Variants in ELAVL4 observed in about 807,000 individuals in gnomAD.
The protein encoded by ELAVL4 is ELAV-like protein 4.
A neutral mutation model predicts 35.6 loss-of-function variants in ELAVL4; 1 was observed. That is an observed-to-expected ratio of 0.03 (90% confidence interval 0.01 to 0.13). The LOEUF (loss-of-function observed/expected upper bound fraction) is 0.13, where lower values mean the gene tolerates loss of function less well. ELAVL4 is among the 10% of genes least tolerant of loss of function. The probability of loss-of-function intolerance (pLI) is 1.00; values close to 1 mark genes in which losing one functional copy is unlikely to be tolerated. For synonymous variants in ELAVL4, 156 were observed against 171.0 expected (o/e 0.91, Z 0.69); for missense variants, 267 against 464.9 (o/e 0.57, Z 3.91).
At chr1:50,134,397 T>C (rs1671546666) in intron 1 of ELAVL4, among the ~76,000 whole-genome samples, 1 of 152,166 alleles carries the variant, frequency 6.6e-6, no homozygotes, top group Non-Finnish European at 1.5e-5. Flanking sequence ...GTATGGAAGA[T>C]GAAGATAATG....
chr1:50,198,526 A>G (rs955689942), intron 6 of ELAVL4, among the ~76,000 whole-genome samples: 2 of 152,178 alleles, frequency 1.3e-5, no homozygotes, highest in Admixed American at 6.5e-5. Context: ...AGACTTCACT[A>G]TCAGAGGACC....
chr1:50,130,203 G>A (rs769657534), intron 1 of ELAVL4, among the ~76,000 whole-genome samples: 131 of 152,102 alleles, frequency 8.6e-4, no homozygotes, highest in Non-Finnish European at 1.6e-3. Context: ...TTTTAATAGG[G>A]TTAGATAATT....
chr1:50,049,019 A>C (rs1297480323), intron 1 of ELAVL4, among the ~76,000 whole-genome samples: 1 of 152,186 alleles, frequency 6.6e-6, no homozygotes, highest in Non-Finnish European at 1.5e-5. Flanking sequence ...GGACTTGAGG[A>C]GACCACAGGG....
chr1:50,117,380 T>C (rs1472774733), intron 1 of ELAVL4, among the ~76,000 whole-genome samples: 1 of 152,032 alleles, frequency 6.6e-6, no homozygotes, highest in African/African-American at 2.4e-5. Flanking sequence ...GAACCGTGAG[T>C]CTGCCTCTGG....
Position 50,201,306 on chromosome 1 carries a change from T to C in ELAVL4, c.*128T>C. Reference sequence around the variant, plus strand: ...AAGGCTTATATTCAACCATGGACTTTATAAGCCAGTGTTGCCTAAGTATTA... The same window carrying C: ...AAGGCTTATATTCAACCATGGACTTCATAAGCCAGTGTTGCCTAAGTATTA... On this transcript the variant is annotated 3_prime_UTR_variant, in exon 7 of 7. Transcript: ENST00000371824. The surrounding 1 kb of genome is among the most constrained non-coding windows in gnomAD (Gnocchi z 4.3). 8.5e-7 allele frequency: 1 copy of C among 1,176,062 alleles called. No homozygotes were observed. Among genetic ancestry groups the C allele is most frequent in the Non-Finnish European group, 1.1e-6 (1 of 884,632 alleles). 72.9% of individuals were successfully genotyped at this position (1,176,062 alleles called of 1,614,324 possible).
chr1:50,113,291 G>A (rs1431579121), intron 1 of ELAVL4, among the ~76,000 whole-genome samples: 1 of 149,954 alleles, frequency 6.7e-6, no homozygotes, highest in Non-Finnish European at 1.5e-5. Flanking sequence ...TTTCCTATAT[G>A]TAGGCCAAAT....
chr1:50,159,263 A>C (rs1442647849), intron 2 of ELAVL4, among the ~76,000 whole-genome samples: 1 of 152,164 alleles, frequency 6.6e-6, no homozygotes, highest in African/African-American at 2.4e-5. Context: ...GTTTTTTAAA[A>C]GGGGTTCTGT....
chr1:50,115,329 T>C (rs1667764675), intron 1 of ELAVL4: 1 of 152,084 alleles, frequency 6.6e-6, no homozygotes, highest in Admixed American at 6.6e-5. Flanking sequence ...GGAAATAAGG[T>C]CAGTGTAATT....
chr1:50,064,645 A>G (rs1439024827), intron 1 of ELAVL4, among the ~76,000 whole-genome samples: 1 of 152,134 alleles, frequency 6.6e-6, no homozygotes, highest in Non-Finnish European at 1.5e-5. Context: ...GACAACCCAA[A>G]ACAAGAATCA....
rs1355484430 is a variant in ELAVL4 at position 50,200,837 on chromosome 1, G to C, written c.774-14G>C. ...GATGTCTGGACCAGTCCCCCCTTCT[G>C]CTTGTCCCCCCAGGTTCTCCCCAAT... On this transcript the variant is annotated splice_polypyrimidine_tract_variant and intron_variant, in intron 6 of 6. Transcript: ENST00000371824. 1 of 1,609,614 alleles carries C rather than the reference G, an allele frequency of 6.2e-7. No individual in the cohort carries two copies. The highest frequency in any genetic ancestry group is 8.5e-7 in the Non-Finnish European group (1 of 1,177,888).
chr1:50,093,495 G>A (rs569869570), intron 1 of ELAVL4, among the ~76,000 whole-genome samples: 1 of 152,168 alleles, frequency 6.6e-6, no homozygotes, highest in African/African-American at 2.4e-5. Context: ...AAACCATAGT[G>A]GCTATCAGGT....
intron 6 of ELAVL4, chr1:50,197,699 C>T: frequency 4.6e-6 from 2 of 436,724 alleles, no homozygotes; most frequent in Non-Finnish European, 8.0e-6. Flanking sequence ...AGGTGGGCTT[C>T]TCCTATGGTT....
intron 6 of ELAVL4, among the ~76,000 whole-genome samples, chr1:50,198,170 G>T (rs1474485095): frequency 3.9e-5 from 6 of 152,134 alleles, no homozygotes; most frequent in Non-Finnish European, 5.9e-5. Flanking sequence ...GCTTTTTGTG[G>T]GGTTGGGGGC....
intron 2 of ELAVL4, among the ~76,000 whole-genome samples, chr1:50,145,762 G>GT (rs1673595687): frequency 6.6e-6 from 1 of 152,152 alleles, no homozygotes; most frequent in Non-Finnish European, 1.5e-5. Context: ...GAGGTATTTT[G>GT]TTTTATTTTA....
chr1:50,151,857 T>A (rs1373352754), intron 2 of ELAVL4, among the ~76,000 whole-genome samples: 1 of 151,994 alleles, frequency 6.6e-6, no homozygotes, highest in Non-Finnish European at 1.5e-5. Flanking sequence ...TGGAGGTGAG[T>A]GGAAAATTTT....
chr1:50,201,717 A>C lies in ELAVL4; in HGVS notation c.*539A>C, dbSNP rs1644401859. 1 of 152,058 alleles carries C rather than the reference A, an allele frequency of 6.6e-6. No homozygotes were observed. Among genetic ancestry groups the C allele is most frequent in the Non-Finnish European group, 1.5e-5 (1 of 68,012 alleles). The allele number at this position is 152,058 out of a possible 1,614,324, so 9.4% of individuals were successfully genotyped here. A position where few individuals can be genotyped will look rare whatever the true frequency, so the allele number is the denominator to read the frequency against. ...CACACAAATTAAAGAGGAATAATAA[A>C]AATTGCAAAAATAAAAAAAAACTTT... is the stretch of plus-strand genomic sequence containing the variant. On this transcript the variant is annotated 3_prime_UTR_variant, in exon 7 of 7. Transcript: ENST00000371824. The surrounding 1 kb of genome is among the most constrained non-coding windows in gnomAD (Gnocchi z 4.3).
At chr1:50,096,297 G>A (rs966045279) in intron 1 of ELAVL4, among the ~76,000 whole-genome samples, 1 of 151,226 alleles carries the variant, frequency 6.6e-6, no homozygotes, top group Admixed American at 6.6e-5. Context: ...GAGTCAGAAA[G>A]AACAAGCTAG....
intron 1 of ELAVL4, among the ~76,000 whole-genome samples, chr1:50,051,518 A>G (rs191484876): frequency 6.6e-6 from 1 of 152,334 alleles, no homozygotes; most frequent in East Asian, 1.9e-4. Context: ...GTTAAATTGT[A>G]TATTCTCTCT....
At chr1:50,152,979 A>G (rs999290985) in intron 2 of ELAVL4, among the ~76,000 whole-genome samples, 27 of 152,214 alleles carry the variant, frequency 1.8e-4, no homozygotes, top group Non-Finnish European at 2.5e-4. Flanking sequence ...TCTGTATCAC[A>G]GTCTGTGAGG....
Sources: gnomAD v4.1 joint callset for allele counts (sites outside exome capture counted in the v4.1 genomes callset) on GRCh38, gnomAD v4.1.1 for gene constraint, Gnocchi (gnomAD v3.1) non-coding constraint, MANE v1.5 for transcripts, NCBI Gene and HGNC (gene_info 2026-07-23, HGNC 2026-07-21) for gene names.